Variants in CUL9 observed in about 807,000 individuals in gnomAD.
CUL9 encodes the protein cullin-9.
Under a neutral mutation model 272.6 loss-of-function variants are expected in CUL9, and 79 were observed. The ratio of observed to expected loss-of-function variants is 0.29; its 90% CI spans 0.24 to 0.35. The LOEUF is 0.35. Ranked by LOEUF, CUL9 falls within the 10% of genes least tolerant of loss-of-function variation. The probability of loss-of-function intolerance (pLI) is 1.00; values close to 1 mark genes in which losing one functional copy is unlikely to be tolerated. For synonymous variants in CUL9, 1,186 were observed against 1,286.5 expected (o/e 0.92, Z 1.67); for missense variants, 2,532 against 3,255.6 (o/e 0.78, Z 5.41).
chr6:43,220,364 G>C lies in CUL9; in HGVS notation c.6283-95G>C, dbSNP rs1776248643. 7.1e-7 allele frequency: 1 copy of C among 1,412,182 alleles called. No homozygotes were observed. The highest frequency in any genetic ancestry group is 1.3e-5 in the South Asian group (1 of 77,940). 87.5% of individuals were successfully genotyped at this position (1,412,182 alleles called of 1,614,324 possible). A position where few individuals can be genotyped will look rare whatever the true frequency, so the allele number is the denominator to read the frequency against. ...TGGCCTTCCACGTTGTAGTGGAGGG[G>C]AAGGGAAGGAGGGACGCTAGCTTAG... On this transcript the variant is annotated intron_variant, in intron 31 of 40. Coordinates refer to ENST00000252050, the MANE Select transcript of CUL9 (RefSeq NM_015089.4). This position sits in a 1 kb window ranked among gnomAD's most constrained non-coding sequence, Gnocchi z 4.9.
rs1773005684 is a variant in CUL9, at chr6:43,187,102, C to T, written c.1387+7C>T. 1 of 1,613,586 alleles carries T rather than the reference C, an allele frequency of 6.2e-7. No individual in the cohort carries two copies. On this transcript the variant is annotated splice_region_variant and intron_variant, in intron 5 of 40. Coordinates refer to ENST00000252050, the MANE Select transcript of CUL9 (RefSeq NM_015089.4). Reference sequence around the variant, plus strand: ...GCTACTGTGTTGGGCACAGGTGAGCCTAAGAGGGGACATGGATAGCATGTC... The same window carrying T: ...GCTACTGTGTTGGGCACAGGTGAGCTTAAGAGGGGACATGGATAGCATGTC...
At position 43,187,282 on chromosome 6, in the gene CUL9, T is replaced by G; in HGVS notation, c.1424T>G (p.Leu475Arg). 6 of 1,614,074 alleles carry G rather than the reference T, an allele frequency of 3.7e-6. No individual in the cohort carries two copies. Among genetic ancestry groups the G allele is most frequent in the Non-Finnish European group, 5.1e-6 (6 of 1,179,980 alleles). The part of the protein sequence containing the change: ...PSWDWNPMDG[L>R]YPLPYLQPEP... ...TGGGACTGGAATCCTATGGATGGGC[T>G]GTACCCTTTGCCGTACCTCCAGCCC... The change falls in exon 6 of 41, where the codon CTG (leucine) becomes CGG (arginine). Residue 475 changes from leucine to arginine, a missense_variant. By Grantham distance (102) the Leu-to-Arg change is moderately radical (BLOSUM62 -2). Transcript: ENST00000252050.
intron 2 of CUL9, 132 bp downstream of exon 2, chr6:43,185,037 A>T: frequency 1.4e-6 from 1 of 709,912 alleles, no homozygotes; most frequent in Non-Finnish European, 2.3e-6. Flanking sequence ...CAAAGGAAAA[A>T]ATATAGATTA....
Position 43,187,791 on chromosome 6 carries a change from C to G in CUL9, c.1660C>G (p.Arg554Gly). The G allele has an allele frequency of 1.2e-6, 2 of 1,613,746 alleles. No individual in the cohort carries two copies. Among genetic ancestry groups the G allele is most frequent in the Non-Finnish European group, 1.7e-6 (2 of 1,179,960 alleles). Residue 554 changes from arginine (R) to glycine (G), a missense_variant, in exon 7 of 41, where the codon CGA (arginine) becomes GGA (glycine). Arg to Gly is a moderately radical substitution (Grantham distance 125). This residue lies in a region of CUL9 where 2,218 missense variants were observed against 2,788.6 expected (regional missense o/e 0.80). Transcript: ENST00000252050. ...GAGTCTGCTGCAGGTTCTCAGTAGT[C>G]GATTTGAGGGCAGCACTCTCAATGA... The part of the protein sequence containing the change: ...AESLLQVLSS[R>G]FEGSTLNDLL...
At chr6:43,186,555 AC>A in intron 4 of CUL9, 100 bp downstream of exon 4, 6 of 1,465,218 alleles carry the variant, frequency 4.1e-6, no homozygotes, top group Non-Finnish European at 4.5e-6. Context: ...CCCAAGAAGA[AC>A]CCCCCTGGGG....
intron 26 of CUL9, among the ~76,000 whole-genome samples, chr6:43,211,737 C>G (rs980632895): frequency 6.6e-6 from 1 of 152,072 alleles, no homozygotes; most frequent in Non-Finnish European, 1.5e-5. Context: ...CATGGCCAAT[C>G]TTGCTTCAAT....
intron 8 of CUL9, among the ~76,000 whole-genome samples, chr6:43,192,672 C>T (rs1773636740): frequency 6.6e-6 from 1 of 152,188 alleles, no homozygotes; most frequent in Admixed American, 6.5e-5. Flanking sequence ...AAGACTCCAT[C>T]TCAAAAACGA....
At chr6:43,202,431 A>AG (rs1774678831) in intron 16 of CUL9, among the ~76,000 whole-genome samples, 1 of 152,202 alleles carries the variant, frequency 6.6e-6, no homozygotes, top group African/African-American at 2.4e-5. Context: ...GGAAGAGCAG[A>AG]GGGTCTAGTG....
rs769826134 is a variant in CUL9, at chr6:43,202,809, T to C, written c.3741T>C (p.Thr1247=). ...GTGACAGCACCAGCTGCATCGGCAC[T>C]GAGCTCAACACGGTGGGGACCCTTG... ...FGGDSTSCIG[T]ELNTVNVMPS... is the part of the protein sequence containing the mutation. The change falls in exon 17 of 41, where the codon ACT becomes ACC. Residue 1247 remains threonine, a synonymous_variant. Coordinates refer to ENST00000252050, the MANE Select transcript of CUL9 (RefSeq NM_015089.4). 25 of 1,613,946 alleles carry C rather than the reference T, an allele frequency of 1.5e-5. 1 individual carries two copies. The highest frequency in any genetic ancestry group is 1.5e-4 in the South Asian group (14 of 91,078).
intron 31 of CUL9, among the ~76,000 whole-genome samples, chr6:43,217,139 T>C (rs1249739559): frequency 6.6e-6 from 1 of 152,152 alleles, no homozygotes; most frequent in African/African-American, 2.4e-5. Context: ...GCAGATTGCT[T>C]GAGCCCAGGA....
At chr6:43,188,856 G>A (rs1773161588) in intron 8 of CUL9, 141 bp downstream of exon 8, 1 of 647,694 alleles carries the variant, frequency 1.5e-6, no homozygotes, top group African/African-American at 1.8e-5. Context: ...CGAGCAGGAG[G>A]GTTGGATGTT....
chr6:43,189,970 G>A (rs1458668296), intron 8 of CUL9, among the ~76,000 whole-genome samples: 2 of 152,064 alleles, frequency 1.3e-5, no homozygotes, highest in Non-Finnish European at 2.9e-5. Context: ...AGCATTTTCT[G>A]AGTCTTTGTT....
Position 43,186,088 on chromosome 6 carries a change from G to A in CUL9, c.884G>A (p.Arg295Gln), listed in dbSNP as rs779482945. The A allele has an allele frequency of 1.9e-5, 31 of 1,614,206 alleles. No individual in the cohort carries two copies. Among genetic ancestry groups the A allele is most frequent in the Non-Finnish European group, 2.4e-5 (28 of 1,180,036 alleles). Residue 295 changes from arginine (R) to glutamine (Q), a missense_variant, in exon 4 of 41, where the codon CGG becomes CAG. Physicochemically the swap from Arg to Gln is conservative, Grantham distance 43 (BLOSUM62 1). This residue lies in a region of CUL9 where 2,218 missense variants were observed against 2,788.6 expected (regional missense o/e 0.80). Coordinates refer to ENST00000252050, the MANE Select transcript of CUL9 (RefSeq NM_015089.4). ...SSPCATREKS[R>Q]GQRELEFSMA... ...CCATGTGCCACAAGAGAGAAAAGCC[G>A]GGGACAGCGGGAACTGGAGTTCAGC...
chr6:43,203,523 C>T lies in CUL9; in HGVS notation c.3956C>T (p.Thr1319Ile), dbSNP rs201972185. 9.3e-6 allele frequency: 15 copies of T among 1,614,056 alleles called. No homozygotes were observed. Among genetic ancestry groups the T allele is most frequent in the Non-Finnish European group, 1.1e-5 (13 of 1,180,044 alleles). Residue 1319 changes from threonine (T) to isoleucine (I), a missense_variant, in exon 19 of 41, where the codon ACA becomes ATA. Thr to Ile is a moderately conservative substitution (Grantham distance 89). Transcript: ENST00000252050. The surrounding 1 kb of genome is among the most constrained non-coding windows in gnomAD (Gnocchi z 5.0). ...QLCRRTCLFY[T>I]IRAQAWSRDI... ...TGTCGCCGAACATGTCTCTTCTACA[C>T]AATTCGGGCACAAGCCTGGAGCCGG...
chr6:43,188,657 G>T lies in CUL9; in HGVS notation c.2122G>T (p.Ala708Ser), dbSNP rs1197915646. 1.9e-6 allele frequency: 3 copies of T among 1,614,160 alleles called. No individual in the cohort carries two copies. The highest frequency in any genetic ancestry group is 2.2e-5 in the East Asian group (1 of 44,892). ...QLSGLSALSQ[A>S]VEEVTERDHP... Reference sequence around the variant, plus strand: ...TTCAGGGCTCTCTGCCCTCTCTCAGGCTGTGGAGGAGGTCACTGAGCGGGA... The same window carrying T: ...TTCAGGGCTCTCTGCCCTCTCTCAGTCTGTGGAGGAGGTCACTGAGCGGGA... The change falls in exon 8 of 41, where the codon GCT becomes TCT. Residue 708 changes from alanine (A) to serine (S), a missense_variant. Coordinates refer to ENST00000252050, the MANE Select transcript of CUL9 (RefSeq NM_015089.4).
rs200456705 is a variant in CUL9, at chr6:43,220,722, C to T, written c.6424-25C>T. 1.2e-6 allele frequency: 2 copies of T among 1,608,920 alleles called. No homozygotes were observed. The highest frequency in any genetic ancestry group is 1.7e-6 in the Non-Finnish European group (2 of 1,177,764). ...GGCATCCTGGAGAGCCATACCCTCA[C>T]CTCGTGGCACCTGCGTCTCCACAGT... On this transcript the variant is annotated intron_variant, in intron 32 of 40. Transcript: ENST00000252050. This position sits in a 1 kb window ranked among gnomAD's most constrained non-coding sequence, Gnocchi z 4.9.
intron 1 of CUL9, among the ~76,000 whole-genome samples, 172 bp downstream of exon 1, chr6:43,182,421 C>T (rs947793764): frequency 6.6e-6 from 1 of 151,898 alleles, no homozygotes; most frequent in Non-Finnish European, 1.5e-5. Context: ...CCCCCTCCCC[C>T]CAAACCCGTT....
Position 43,199,185 on chromosome 6 carries a change from T to G in CUL9, c.3051-81T>G, listed in dbSNP as rs914010926. 1.4e-5 allele frequency: 17 copies of G among 1,189,436 alleles called. No homozygotes were observed. In the African/African-American group the frequency reaches 2.6e-4, roughly 18 times the overall value. 73.7% of individuals were successfully genotyped at this position (1,189,436 alleles called of 1,614,324 possible). On this transcript the variant is annotated intron_variant, in intron 12 of 40. Coordinates refer to ENST00000252050, the MANE Select transcript of CUL9 (RefSeq NM_015089.4). This position sits in a 1 kb window ranked among gnomAD's most constrained non-coding sequence, Gnocchi z 4.4. ...TCCCGACCTCAGGTGATCCGCCCACTTCGGCCTCCCAAAGTGCTGGGATTA... is the reference window on the plus strand; with the variant it reads ...TCCCGACCTCAGGTGATCCGCCCACGTCGGCCTCCCAAAGTGCTGGGATTA...
Position 43,218,428 on chromosome 6 carries a change from G to T in CUL9, c.6282+1925G>T, listed in dbSNP as rs1776090288. On this transcript the variant is annotated intron_variant, in intron 31 of 40. Transcript: ENST00000252050. This position sits in a 1 kb window ranked among gnomAD's most constrained non-coding sequence, Gnocchi z 4.4. The stretch of plus-strand genomic sequence containing the variant: ...AGACGGGGTTTCACTGTGTTAGCCA[G>T]GATGGTCTCGATCTCCTGACCTCGT... Among the ~76,000 whole-genome samples the T allele has an allele frequency of 2.0e-5, 3 of 152,034 alleles. No individual in the cohort carries two copies. Among genetic ancestry groups the T allele is most frequent in the Non-Finnish European group, 4.4e-5 (3 of 68,018 alleles).
Sources: gnomAD v4.1 joint callset for allele counts (sites outside exome capture counted in the v4.1 genomes callset) on GRCh38, gnomAD v4.1.1 for gene constraint, gnomAD v4.1.1 regional missense constraint, Gnocchi (gnomAD v3.1) non-coding constraint, MANE v1.5 for transcripts, NCBI Gene and HGNC (gene_info 2026-07-23, HGNC 2026-07-21) for gene names.